The following EXD3 variants were observed in gnomAD, a reference collection of about 807,000 sequenced individuals.
The protein encoded by EXD3 is exonuclease mut-7 homolog.
Under a neutral mutation model 98.0 loss-of-function variants are expected in EXD3, and 92 were observed. The ratio of observed to expected loss-of-function variants is 0.94; its 90% CI spans 0.79 to 1.12. The LOEUF (loss-of-function observed/expected upper bound fraction) is 1.12, where lower values mean the gene tolerates loss of function less well. Among genes scored for constraint, EXD3 ranks in the 50% most tolerant of loss-of-function variants. EXD3 has a pLI of 0.00. For missense variants in EXD3, 1,222 were observed against 1,191.6 expected, an observed-to-expected ratio of 1.03 and a Z score of -0.38; for synonymous variants, 569 against 526.0, an observed-to-expected ratio of 1.08 and a Z score of -1.12.
At chr9:137,367,637 G>A in intron 6 of EXD3, 1 of 356,978 alleles carries the variant, frequency 2.8e-6, no homozygotes, top group South Asian at 3.2e-5. Context: ...GCGTGTCCTC[G>A]AGGCAGCTGG....
chr9:137,349,267 C>T lies in EXD3; in HGVS notation c.1673G>A (p.Cys558Tyr), dbSNP rs1376415203. ...QVIYAAADAYCLLEVHQALCR... is the reference protein window; with the variant it reads ...QVIYAAADAYYLLEVHQALCR... ...CAGGGCTTGGTGCACCTCCAGCAGGCAGTAGGCGTCGGCAGCTGTGTGGGG... is the reference window on the plus strand; with the variant it reads ...CAGGGCTTGGTGCACCTCCAGCAGGTAGTAGGCGTCGGCAGCTGTGTGGGG... The change falls in exon 16 of 22, where the codon TGC becomes TAC. Residue 558 changes from cysteine to tyrosine, a missense_variant. By Grantham distance (194) the Cys-to-Tyr change is radical (BLOSUM62 -2). Coordinates refer to ENST00000340951, the MANE Select transcript of EXD3 (RefSeq NM_017820.5). This position sits in a 1 kb window ranked among gnomAD's most constrained non-coding sequence, Gnocchi z 7.4. 2 of 1,567,510 alleles carry T rather than the reference C, an allele frequency of 1.3e-6. No individual in the cohort carries two copies. Among genetic ancestry groups the T allele is most frequent in the East Asian group, 4.7e-5 (2 of 42,980 alleles).
chr9:137,394,057 C>T (rs1837079966), intron 2 of EXD3, among the ~76,000 whole-genome samples: 1 of 152,206 alleles, frequency 6.6e-6, no homozygotes, highest in Admixed American at 6.5e-5. Context: ...GCACAGAGAG[C>T]AGCTGAGGCT....
At chr9:137,357,522 C>A (rs1308841840) in intron 7 of EXD3, among the ~76,000 whole-genome samples, 2 of 151,980 alleles carry the variant, frequency 1.3e-5, no homozygotes, top group Non-Finnish European at 2.9e-5. Context: ...CCCATCCTGT[C>A]CTTCATCCAC....
chr9:137,383,212 C>G, intron 3 of EXD3, 101 bp downstream of exon 3: 1 of 987,616 alleles, frequency 1.0e-6, no homozygotes, highest in Non-Finnish European at 1.6e-6. Flanking sequence ...GGGGGCTGTG[C>G]AGCTTCCTGA....
At chr9:137,422,112 TAAAAA>T (rs35073810) in intron 1 of EXD3, among the ~76,000 whole-genome samples, 5 of 119,502 alleles carry the variant, frequency 4.2e-5, no homozygotes, top group African/African-American at 1.6e-4. Flanking sequence ...GTGGTGTTCT[TAAAAA>T]AAAAAAAAAA....
intron 6 of EXD3, among the ~76,000 whole-genome samples, chr9:137,367,143 C>G (rs2131660352): frequency 6.6e-6 from 1 of 152,334 alleles, no homozygotes; most frequent in East Asian, 1.9e-4. Flanking sequence ...AGACTCCTCA[C>G]CTCCCTTCCC....
At chr9:137,348,747 G>A (rs78300011) in intron 16 of EXD3, among the ~76,000 whole-genome samples, 9 of 116,404 alleles carry the variant, frequency 7.7e-5, no homozygotes, top group African/African-American at 9.6e-5. Context: ...TGGGGATCAC[G>A]GGGAGGGGTT....
chr9:137,322,394 C>CG (rs1832081330), intron 19 of EXD3, among the ~76,000 whole-genome samples: 1 of 149,916 alleles, frequency 6.7e-6, no homozygotes, highest in African/African-American at 2.5e-5. Context: ...GATTCTCTGC[C>CG]AACATCTCAC....
chr9:137,412,156 G>A (rs2131826952), intron 1 of EXD3, among the ~76,000 whole-genome samples: 1 of 152,330 alleles, frequency 6.6e-6, no homozygotes, highest in African/African-American at 2.4e-5. Context: ...CTGGAGGCCG[G>A]CCTGAGACCC....
intron 7 of EXD3, chr9:137,366,010 A>G (rs1046702396): frequency 8.3e-6 from 5 of 603,580 alleles, no homozygotes; most frequent in African/African-American, 1.8e-5. Context: ...GCACACATGC[A>G]CATGGGCACA....
intron 1 of EXD3, among the ~76,000 whole-genome samples, chr9:137,411,229 G>T (rs985902205): frequency 6.6e-6 from 1 of 152,164 alleles, no homozygotes; most frequent in Non-Finnish European, 1.5e-5. Context: ...GGGCACGCAC[G>T]CCCAGAAAGG....
chr9:137,316,596 G>T (rs1564465072), intron 19 of EXD3, among the ~76,000 whole-genome samples: 1 of 152,240 alleles, frequency 6.6e-6, no homozygotes, highest in Non-Finnish European at 1.5e-5. Context: ...TCCAGGAGCG[G>T]TGATGGTCCC....
At chr9:137,328,931 A>G (rs142040692) in intron 17 of EXD3, among the ~76,000 whole-genome samples, 613 of 8,038 alleles carry the variant, frequency 0.076, 2 homozygotes, top group Non-Finnish European at 0.11. Context: ...ACTACACGGG[A>G]CTACACGGGG....
At position 137,385,454 on chromosome 9, in the gene EXD3, C is replaced by T. The variant is rs926742579; in HGVS notation, c.56-2077G>A. ...CTGTGGTGTGTTCACGATCATGTGC[C>T]GAGCCGCATCATGTGCTCTGCGTTC... On this transcript the variant is annotated intron_variant, in intron 2 of 21. Coordinates refer to ENST00000340951, the MANE Select transcript of EXD3 (RefSeq NM_017820.5). The surrounding 1 kb of genome is among the most constrained non-coding windows in gnomAD (Gnocchi z 4.4). 5.6e-4 allele frequency among the ~76,000 whole-genome samples: 86 copies of T among 152,294 alleles called. No individual in the cohort carries two copies. The highest frequency in any genetic ancestry group is 8.9e-4 in the African/African-American group (37 of 41,578).
Position 137,347,932 on chromosome 9 carries a change from T to A in EXD3, c.1998+139A>T, listed in dbSNP as rs1834016863. On this transcript the variant is annotated intron_variant, in intron 17 of 21. Coordinates refer to ENST00000340951, the MANE Select transcript of EXD3 (RefSeq NM_017820.5). This position sits in a 1 kb window ranked among gnomAD's most constrained non-coding sequence, Gnocchi z 4.2. ...AACCGCTCCATCCTTGGCCACCCCG[T>A]CCTGTTCCCAGAGCCTGCCTGGCAC... 3.7e-6 allele frequency: 4 copies of A among 1,073,840 alleles called. No homozygotes were observed. Among genetic ancestry groups the A allele is most frequent in the South Asian group, 3.2e-5 (2 of 62,294 alleles). 66.5% of individuals were successfully genotyped at this position (1,073,840 alleles called of 1,614,324 possible).
At chr9:137,327,818 T>G (rs374365472) in intron 17 of EXD3, among the ~76,000 whole-genome samples, 3 of 108,002 alleles carry the variant, frequency 2.8e-5, no homozygotes, top group African/African-American at 1.1e-4. Flanking sequence ...TAAAAACAAC[T>G]AATATACACC....
chr9:137,332,362 G>T (rs1205640473), intron 17 of EXD3, among the ~76,000 whole-genome samples: 1 of 152,114 alleles, frequency 6.6e-6, no homozygotes, highest in Non-Finnish European at 1.5e-5. Context: ...GGCCGAGGCA[G>T]GTGGATCACA....
At chr9:137,387,236 G>A (rs140535662) in intron 2 of EXD3, among the ~76,000 whole-genome samples, 29 of 152,256 alleles carry the variant, frequency 1.9e-4, no homozygotes, top group African/African-American at 6.3e-4. Context: ...GAGCCCCAGG[G>A]CAGTGACCGC....
At chr9:137,328,487 A>ATATACACCCACATGAT (rs1832623250) in intron 17 of EXD3, among the ~76,000 whole-genome samples, 2 of 4,446 alleles carry the variant, frequency 4.5e-4, no homozygotes, top group Non-Finnish European at 1.2e-3. Flanking sequence ...TAAAAACAAA[A>ATATACACCCACATGAT]GTAAAAACAA....
Sources: allele counts gnomAD v4.1 joint callset (sites outside exome capture counted in the v4.1 genomes callset), GRCh38; gene constraint gnomAD v4.1.1; non-coding constraint Gnocchi (gnomAD v3.1); transcripts MANE v1.5; gene names NCBI Gene and HGNC (gene_info 2026-07-23, HGNC 2026-07-21).